ADAMTSL1: variants seen among roughly 807,000 people sequenced by gnomAD.
ADAMTSL1 encodes the protein ADAMTS-like protein 1.
A neutral mutation model predicts 201.8 loss-of-function variants in ADAMTSL1; 126 were observed. That is an observed-to-expected ratio of 0.62 (90% CI 0.54 to 0.72). The LOEUF (loss-of-function observed/expected upper bound fraction) is 0.72. ADAMTSL1 is among the 30% of genes least tolerant of loss of function. The pLI, the probability that ADAMTSL1 is intolerant of heterozygous loss-of-function variation, is 0.00. For synonymous variants in ADAMTSL1, 1,121 were observed against 903.4 expected, an observed-to-expected ratio of 1.24 and a Z score of -4.32; for missense variants, 2,679 against 2,277.8, an observed-to-expected ratio of 1.18 and a Z score of -3.59.
chr9:17,970,550 G>A (rs1818166654), intron 1 of ADAMTSL1, among the ~76,000 whole-genome samples: 1 of 151,916 alleles, frequency 6.6e-6, no homozygotes, highest in African/African-American at 2.4e-5. Context: ...CTGAGCTGTG[G>A]GTAGGTGTTA....
intron 4 of ADAMTSL1, among the ~76,000 whole-genome samples, chr9:18,588,819 T>A (rs894045721): frequency 6.7e-6 from 1 of 149,072 alleles, no homozygotes; most frequent in Non-Finnish European, 1.5e-5. Flanking sequence ...GGTGTATCTG[T>A]CTGTTTTTAT....
At chr9:18,162,715 T>C (rs1443595947) in intron 1 of ADAMTSL1, among the ~76,000 whole-genome samples, 1 of 151,976 alleles carries the variant, frequency 6.6e-6, no homozygotes, top group African/African-American at 2.4e-5. Flanking sequence ...CATCCACATA[T>C]TCATTACTGA....
chr9:18,710,327 C>A (rs975424815), intron 14 of ADAMTSL1, among the ~76,000 whole-genome samples: 1 of 152,192 alleles, frequency 6.6e-6, no homozygotes, highest in Admixed American at 6.5e-5. Flanking sequence ...TTAATTATGA[C>A]AGAACTTCTG....
chr9:18,139,135 G>A (rs1826286407), intron 1 of ADAMTSL1, among the ~76,000 whole-genome samples: 1 of 152,100 alleles, frequency 6.6e-6, no homozygotes, highest in Non-Finnish European at 1.5e-5. Flanking sequence ...TTGACTGATT[G>A]ATTCAGCAAA....
At chr9:18,173,126 CATT>C (rs1443315964) in intron 2 of ADAMTSL1, among the ~76,000 whole-genome samples, 1 of 152,088 alleles carries the variant, frequency 6.6e-6, no homozygotes, top group African/African-American at 2.4e-5. Context: ...ATATTTGCTT[CATT>C]ATTTCAGTGT....
chr9:18,429,432 T>C (rs1208504127), intron 2 of ADAMTSL1, among the ~76,000 whole-genome samples: 2 of 152,188 alleles, frequency 1.3e-5, no homozygotes, highest in African/African-American at 4.8e-5. Context: ...TGGATATGTC[T>C]GATGTGTCTG....
intron 2 of ADAMTSL1, among the ~76,000 whole-genome samples, chr9:18,408,490 A>G (rs1489914637): frequency 6.6e-6 from 1 of 152,086 alleles, no homozygotes; most frequent in Non-Finnish European, 1.5e-5. Context: ...CCCACAGAAA[A>G]AAAAAGAAGT....
intron 2 of ADAMTSL1, among the ~76,000 whole-genome samples, chr9:18,307,040 C>T (rs1375864346): frequency 6.6e-6 from 1 of 152,156 alleles, no homozygotes; most frequent in African/African-American, 2.4e-5. Flanking sequence ...GGCCAATATT[C>T]AACATTCGTA....
intron 1 of ADAMTSL1, among the ~76,000 whole-genome samples, chr9:18,017,897 C>T (rs1020848091): frequency 2.6e-5 from 4 of 152,114 alleles, no homozygotes; most frequent in East Asian, 3.9e-4. Context: ...AGCATTGTAC[C>T]TGTCAGATCA....
At chr9:18,764,733 A>G (rs1820263752) in intron 16 of ADAMTSL1, among the ~76,000 whole-genome samples, 1 of 152,250 alleles carries the variant, frequency 6.6e-6, no homozygotes, top group Non-Finnish European at 1.5e-5. Context: ...CATGCAGATC[A>G]AAGTGAAGGG....
intron 3 of ADAMTSL1, among the ~76,000 whole-genome samples, chr9:18,567,364 G>C (rs1247861850): frequency 6.6e-6 from 1 of 152,140 alleles, no homozygotes; most frequent in Non-Finnish European, 1.5e-5. Context: ...TATTTAGGAG[G>C]CTGAGGCAGG....
At chr9:18,004,993 CAAGT>C (rs556881254) in intron 1 of ADAMTSL1, among the ~76,000 whole-genome samples, 90 of 152,138 alleles carry the variant, frequency 5.9e-4, no homozygotes, top group African/African-American at 2.1e-3. Flanking sequence ...TATATAATGA[CAAGT>C]AAGAGAGACA....
At chr9:18,519,104 C>G (rs1490724579) in intron 2 of ADAMTSL1, among the ~76,000 whole-genome samples, 1 of 152,154 alleles carries the variant, frequency 6.6e-6, no homozygotes, top group Non-Finnish European at 1.5e-5. Context: ...CACCTGTACC[C>G]CCTGAGTCTC....
intron 2 of ADAMTSL1, among the ~76,000 whole-genome samples, chr9:18,299,471 T>C (rs1481171634): frequency 6.6e-6 from 1 of 152,228 alleles, no homozygotes; most frequent in African/African-American, 2.4e-5. Context: ...TAGCAATCTT[T>C]ATTATTGCTT....
intron 2 of ADAMTSL1, among the ~76,000 whole-genome samples, chr9:18,428,726 A>G (rs1484508511): frequency 1.3e-5 from 2 of 152,226 alleles, no homozygotes; most frequent in South Asian, 2.1e-4. Context: ...ATGATTTTTG[A>G]CCATTTCAAC....
At chr9:18,261,933 G>T (rs1488344375) in intron 2 of ADAMTSL1, among the ~76,000 whole-genome samples, 1 of 152,140 alleles carries the variant, frequency 6.6e-6, no homozygotes, top group Non-Finnish European at 1.5e-5. Context: ...GGGCTGATGA[G>T]TCTCTACCAT....
At chr9:18,807,923 T>C (rs1265595656) in intron 20 of ADAMTSL1, among the ~76,000 whole-genome samples, 1 of 152,222 alleles carries the variant, frequency 6.6e-6, no homozygotes, top group Non-Finnish European at 1.5e-5. Context: ...GTGATTGTAA[T>C]CGTGTCCACA....
At chr9:18,622,940 G>C (rs1826126181) in intron 5 of ADAMTSL1, among the ~76,000 whole-genome samples, 1 of 152,200 alleles carries the variant, frequency 6.6e-6, no homozygotes. Context: ...CTGTTGCCTA[G>C]GCTAGAGTGC....
chr9:18,151,683 A>C (rs1306100736), intron 1 of ADAMTSL1, among the ~76,000 whole-genome samples: 2 of 152,074 alleles, frequency 1.3e-5, no homozygotes, highest in East Asian at 3.9e-4. Context: ...GTATCTTTAT[A>C]ACATAGTAAG....
Sources: gnomAD v4.1 joint callset for allele counts (sites outside exome capture counted in the v4.1 genomes callset) on GRCh38, gnomAD v4.1.1 for gene constraint, MANE v1.5 for transcripts, NCBI Gene and HGNC (gene_info 2026-07-23, HGNC 2026-07-21) for gene names.